The following GALNTL6 variants were observed in gnomAD, a reference collection of about 807,000 sequenced individuals.
GALNTL6 encodes the protein polypeptide N-acetylgalactosaminyltransferase like 6.
A neutral mutation model predicts 73.7 loss-of-function variants in GALNTL6; 46 were observed. The ratio of observed to expected loss-of-function variants is 0.62; its 90% confidence interval spans 0.49 to 0.80. The LOEUF is 0.80. GALNTL6 is among the 30% of genes least tolerant of loss of function. The pLI, the probability that GALNTL6 is intolerant of heterozygous loss-of-function variation, is 0.00. For missense variants in GALNTL6, 604 were observed against 755.0 expected, an observed-to-expected ratio of 0.80 and a Z score of 2.34; for synonymous variants, 259 against 263.7, an observed-to-expected ratio of 0.98 and a Z score of 0.17.
chr4:172,159,923 A>G (rs1395917809), intron 2 of GALNTL6, among the ~76,000 whole-genome samples: 1 of 152,150 alleles, frequency 6.6e-6, no homozygotes, highest in Non-Finnish European at 1.5e-5. Flanking sequence ...AGAAGCTGGC[A>G]GAAGTGATGG....
intron 2 of GALNTL6, among the ~76,000 whole-genome samples, chr4:172,010,272 T>C (rs1318816604): frequency 6.6e-6 from 1 of 151,970 alleles, no homozygotes; most frequent in African/African-American, 2.4e-5. Flanking sequence ...AGTACAACAT[T>C]AGTAATATTT....
At chr4:171,905,915 G>A (rs1214334450) in intron 2 of GALNTL6, among the ~76,000 whole-genome samples, 3 of 150,246 alleles carry the variant, frequency 2.0e-5, no homozygotes, top group Admixed American at 2.0e-4. Flanking sequence ...ATGAAATGAA[G>A]GCAGAAATAA....
intron 2 of GALNTL6, among the ~76,000 whole-genome samples, chr4:171,987,793 C>T (rs1393434842): frequency 1.3e-5 from 2 of 151,952 alleles, no homozygotes; most frequent in African/African-American, 2.4e-5. Context: ...ATAAATCAAG[C>T]GTGATCAGGG....
At chr4:172,116,661 C>T (rs1251369256) in intron 2 of GALNTL6, among the ~76,000 whole-genome samples, 1 of 152,094 alleles carries the variant, frequency 6.6e-6, no homozygotes, top group African/African-American at 2.4e-5. Flanking sequence ...ACAAGGTCTC[C>T]AATCACATAT....
intron 2 of GALNTL6, among the ~76,000 whole-genome samples, chr4:172,114,286 C>T (rs1732929964): frequency 6.6e-6 from 1 of 151,964 alleles, no homozygotes; most frequent in South Asian, 2.1e-4. Context: ...GGTTACAAAA[C>T]CGTAAGTAGT....
At chr4:172,661,243 C>CTCACCTCT in intron 5 of GALNTL6, among the ~76,000 whole-genome samples, 1 of 152,156 alleles carries the variant, frequency 6.6e-6, no homozygotes, top group Non-Finnish European at 1.5e-5. Context: ...CTCTCCACCC[C>CTCACCTCT]CTACCCCACA....
chr4:172,178,568 G>A (rs935667266), intron 2 of GALNTL6, among the ~76,000 whole-genome samples: 3 of 148,690 alleles, frequency 2.0e-5, no homozygotes, highest in Non-Finnish European at 4.5e-5. Context: ...TGGTTTCCAG[G>A]TTCATCCAAG....
intron 2 of GALNTL6, among the ~76,000 whole-genome samples, chr4:172,088,553 G>T (rs1178351923): frequency 2.0e-5 from 3 of 152,160 alleles, no homozygotes; most frequent in African/African-American, 7.2e-5. Context: ...TAGATTTAAT[G>T]CTCAGACAAT....
intron 5 of GALNTL6, among the ~76,000 whole-genome samples, chr4:172,740,690 A>AT (rs375521632): frequency 2.6e-5 from 4 of 151,748 alleles, no homozygotes; most frequent in East Asian, 3.9e-4. Flanking sequence ...GGTGTGTGGG[A>AT]TTTTTTTTCT....
At chr4:172,245,329 C>A (rs1011715308) in intron 3 of GALNTL6, among the ~76,000 whole-genome samples, 4 of 152,178 alleles carry the variant, frequency 2.6e-5, no homozygotes, top group African/African-American at 9.6e-5. Context: ...AATAGTAGCT[C>A]TGCTCTTGAA....
In GALNTL6 at chr4:172,324,699, A is replaced by G. The variant is rs150998118; in HGVS notation, c.386+12947A>G. Among the ~76,000 whole-genome samples the G allele has an allele frequency of 3.7e-3, 557 of 151,270 alleles. 3 individuals are homozygous for G. The highest frequency in any genetic ancestry group is 7.2e-3 in the Middle Eastern group (1 of 138). ...TATGCCAGTACATAAACAACTCTCA[A>G]TAAATTTCAGTGGATTGAAGTAATA... On this transcript the variant is annotated intron_variant, in intron 4 of 12. Transcript: ENST00000506823.
In GALNTL6 at chr4:172,401,119, T is replaced by G. The variant is rs551747101; in HGVS notation, c.553+52430T>G. 2.6e-5 allele frequency among the ~76,000 whole-genome samples: 4 copies of G among 152,260 alleles called. No individual in the cohort carries two copies. The East Asian group carries it at 7.7e-4, about 29-fold the overall frequency. Reference sequence around the variant, plus strand: ...TCCTTTTGCAAAGTTTCATTATTCCTTGTTAACTTTAATGTCCTTTCATTT... The same window carrying G: ...TCCTTTTGCAAAGTTTCATTATTCCGTGTTAACTTTAATGTCCTTTCATTT... On this transcript the variant is annotated intron_variant, in intron 5 of 12. Transcript: ENST00000506823.
chr4:172,784,698 C>A (rs1246255886), intron 5 of GALNTL6, among the ~76,000 whole-genome samples: 2 of 152,120 alleles, frequency 1.3e-5, no homozygotes, highest in Non-Finnish European at 2.9e-5. Flanking sequence ...AATTTGCCAC[C>A]TTTTCCCCAC....
intron 10 of GALNTL6, among the ~76,000 whole-genome samples, chr4:172,976,996 C>T (rs1750840616): frequency 6.6e-6 from 1 of 152,204 alleles, no homozygotes; most frequent in South Asian, 2.1e-4. Flanking sequence ...GCTATGTAGA[C>T]ATCAAATGTT....
chr4:172,710,358 T>C (rs1325134302), intron 5 of GALNTL6, among the ~76,000 whole-genome samples: 1 of 152,154 alleles, frequency 6.6e-6, no homozygotes, highest in Non-Finnish European at 1.5e-5. Context: ...TGAATTCTAT[T>C]TGTAATAATA....
chr4:172,461,046 G>C (rs1732592562), intron 5 of GALNTL6, among the ~76,000 whole-genome samples: 1 of 152,134 alleles, frequency 6.6e-6, no homozygotes, highest in Non-Finnish European at 1.5e-5. Context: ...CATAAAAAAT[G>C]ATGAGTTCAT....
intron 2 of GALNTL6, among the ~76,000 whole-genome samples, chr4:171,853,474 T>C (rs1051251441): frequency 6.6e-6 from 1 of 151,492 alleles, no homozygotes; most frequent in African/African-American, 2.4e-5. Flanking sequence ...TTTTCTTTTT[T>C]TTCTGTTCTT....
chr4:172,656,205 C>T (rs1314590967), intron 5 of GALNTL6, among the ~76,000 whole-genome samples: 4 of 152,038 alleles, frequency 2.6e-5, no homozygotes, highest in Non-Finnish European at 4.4e-5. Flanking sequence ...TGGGTGATGC[C>T]GAAGTTCAAT....
intron 7 of GALNTL6, among the ~76,000 whole-genome samples, chr4:172,820,174 G>A (rs1741843473): frequency 6.6e-6 from 1 of 152,184 alleles, no homozygotes; most frequent in South Asian, 2.1e-4. Context: ...TGACTAATGT[G>A]GAGGAAGAGG....
Sources: allele counts gnomAD v4.1 joint callset (sites outside exome capture counted in the v4.1 genomes callset), GRCh38; gene constraint gnomAD v4.1.1; transcripts MANE v1.5; gene names NCBI Gene and HGNC (gene_info 2026-07-23, HGNC 2026-07-21).